The following MBD5 variants were observed in gnomAD, a reference collection of about 807,000 sequenced individuals.
MBD5 encodes methyl-CpG-binding domain protein 5.
Under a neutral mutation model 117.3 loss-of-function variants are expected in MBD5, and 13 were observed. The ratio of observed to expected loss-of-function variants is 0.11; its 90% CI spans 0.07 to 0.18. The LOEUF (loss-of-function observed/expected upper bound fraction) is 0.18, where lower values mean the gene tolerates loss of function less well. Among genes scored for constraint, MBD5 ranks in the 10% least tolerant of loss-of-function variants. The probability of loss-of-function intolerance (pLI) is 1.00; values close to 1 mark genes in which losing one functional copy is unlikely to be tolerated. For missense variants in MBD5, 1,879 were observed against 2,093.8 expected, an observed-to-expected ratio of 0.90 and a Z score of 2.00; for synonymous variants, 727 against 766.4, an observed-to-expected ratio of 0.95 and a Z score of 0.85.
At chr2:148,029,257 TTTTCC>T (rs1172932276) in intron 1 of MBD5, among the ~76,000 whole-genome samples, 1 of 152,096 alleles carries the variant, frequency 6.6e-6, no homozygotes, top group Non-Finnish European at 1.5e-5. Context: ...TAATATAGTC[TTTTCC>T]TTTAACACTT....
At chr2:148,325,875 T>C (rs1702436615) in intron 3 of MBD5, among the ~76,000 whole-genome samples, 1 of 152,224 alleles carries the variant, frequency 6.6e-6, no homozygotes, top group Non-Finnish European at 1.5e-5. Flanking sequence ...TGCCTTCAGC[T>C]AGCTTTTGAA....
In MBD5 at chr2:148,484,161, T is replaced by C. The variant is rs1463040481; in HGVS notation, c.3544+26T>C. On this transcript the variant is annotated intron_variant, in intron 9 of 13. Coordinates refer to ENST00000642680, the MANE Select transcript of MBD5 (RefSeq NM_001378120.1). ...GTAAGTTAAATTTTTTCACAAATTT[T>C]TTACAAAAGAAACGTTTTTCTAATT... 4 of 1,417,488 alleles carry C rather than the reference T, an allele frequency of 2.8e-6. No homozygotes were observed. In the African/African-American group the frequency reaches 5.8e-5, roughly 21 times the overall value. 87.8% of individuals were successfully genotyped at this position (1,417,488 alleles called of 1,614,324 possible).
chr2:148,037,474 C>T lies in MBD5; in HGVS notation c.-925+15790C>T, dbSNP rs114688868. On this transcript the variant is annotated intron_variant, in intron 1 of 13. Transcript: ENST00000642680. Reference sequence around the variant, plus strand: ...GCTAAAAAATATCAAGTTATATTTACATATGCTTTTTTAAAGTTATGCCTT... The same window carrying T: ...GCTAAAAAATATCAAGTTATATTTATATATGCTTTTTTAAAGTTATGCCTT... Among the ~76,000 whole-genome samples, 1,149 of 151,990 alleles carry T rather than the reference C, an allele frequency of 7.6e-3. 13 individuals are homozygous for T. Among genetic ancestry groups the T allele is most frequent in the African/African-American group, 0.026 (1,084 of 41,506 alleles).
intron 3 of MBD5, among the ~76,000 whole-genome samples, chr2:148,252,353 G>T (rs13425695): frequency 0.12 from 18,387 of 151,844 alleles, 1,284 homozygotes; most frequent in Admixed American, 0.16. Flanking sequence ...CCAGCTACTG[G>T]GGAGACTGAA....
At chr2:148,351,182 G>A (rs1000630213) in intron 4 of MBD5, among the ~76,000 whole-genome samples, 1 of 151,580 alleles carries the variant, frequency 6.6e-6, no homozygotes, top group African/African-American at 2.4e-5. Flanking sequence ...TACAATTTGG[G>A]GTTGTGCACC....
At chr2:148,467,880 A>G (rs1173824566) in intron 7 of MBD5, among the ~76,000 whole-genome samples, 1 of 152,188 alleles carries the variant, frequency 6.6e-6, no homozygotes, top group African/African-American at 2.4e-5. Flanking sequence ...CATTTAAATC[A>G]CCCAAGAAAA....
intron 1 of MBD5, among the ~76,000 whole-genome samples, chr2:148,033,144 G>A (rs566918687): frequency 2.0e-5 from 3 of 152,064 alleles, no homozygotes; most frequent in Non-Finnish European, 4.4e-5. Context: ...GAGAGTAGAA[G>A]TATCACATTC....
chr2:148,405,833 T>C (rs901105734), intron 4 of MBD5, among the ~76,000 whole-genome samples: 2 of 152,138 alleles, frequency 1.3e-5, no homozygotes, highest in African/African-American at 4.8e-5. Flanking sequence ...TAACAGTTGC[T>C]GGTAGCTGGG....
At chr2:148,032,927 A>G (rs1425145731) in intron 1 of MBD5, among the ~76,000 whole-genome samples, 2 of 152,180 alleles carry the variant, frequency 1.3e-5, no homozygotes, top group East Asian at 1.9e-4. Flanking sequence ...AGTTATGTCT[A>G]TATGTATTCA....
At chr2:148,165,952 CAG>C (rs974317210) in intron 1 of MBD5, among the ~76,000 whole-genome samples, 17 of 152,154 alleles carry the variant, frequency 1.1e-4, no homozygotes, top group African/African-American at 3.1e-4. Context: ...TCATTATAAA[CAG>C]AGAAGATTCA....
chr2:148,512,746 A>G, intron 13 of MBD5, 124 bp from the exon 14 acceptor site: 1 of 841,658 alleles, frequency 1.2e-6, no homozygotes. Context: ...GTGCCTCAGG[A>G]TATCAGTAAT....
chr2:148,235,735 C>T (rs538069816), intron 3 of MBD5, among the ~76,000 whole-genome samples: 1 of 150,816 alleles, frequency 6.6e-6, no homozygotes, highest in African/African-American at 2.4e-5. Context: ...TGTGTAATTG[C>T]ATCATGTCTT....
chr2:148,406,704 T>A (rs540089792), intron 4 of MBD5, among the ~76,000 whole-genome samples: 2 of 152,334 alleles, frequency 1.3e-5, no homozygotes, highest in South Asian at 4.1e-4. Context: ...AAGTTACACT[T>A]CATTACAGTG....
At chr2:148,475,502 T>C (rs1443668104) in intron 8 of MBD5, among the ~76,000 whole-genome samples, 1 of 152,048 alleles carries the variant, frequency 6.6e-6, no homozygotes, top group Non-Finnish European at 1.5e-5. Context: ...AGACGTTGAG[T>C]CTATGTAATC....
chr2:148,100,670 T>A (rs1179422612), intron 1 of MBD5, among the ~76,000 whole-genome samples: 1 of 152,186 alleles, frequency 6.6e-6, no homozygotes, highest in Non-Finnish European at 1.5e-5. Context: ...CCATATGTTC[T>A]CTCCTCATAG....
At position 148,458,669 on chromosome 2, in the gene MBD5, T is replaced by TGGCCCACTTTTGAA. The variant is rs1462934716; in HGVS notation, c.-85_-72dup. On this transcript the variant is annotated 5_prime_UTR_variant, in exon 5 of 14. Coordinates refer to ENST00000642680, the MANE Select transcript of MBD5 (RefSeq NM_001378120.1). ...CAGTCTGGGAAAAACTGTGCTGCAC[T>TGGCCCACTTTTGAA]GGCCCACTTTTGAAGGCCATCATGC... The TGGCCCACTTTTGAA allele has an allele frequency of 2.7e-6, 3 of 1,124,728 alleles. No homozygotes were observed. The highest frequency in any genetic ancestry group is 4.1e-6 in the Non-Finnish European group (3 of 738,586). The allele number at this position is 1,124,728 out of a possible 1,614,324, so 69.7% of individuals were successfully genotyped here.
intron 2 of MBD5, among the ~76,000 whole-genome samples, chr2:148,194,735 A>C (rs1698925899): frequency 8.7e-6 from 1 of 115,434 alleles, no homozygotes; most frequent in Non-Finnish European, 1.8e-5. Flanking sequence ...CAATGTGCAC[A>C]TGTACCCTAA....
At chr2:148,397,000 G>T (rs1311781366) in intron 4 of MBD5, among the ~76,000 whole-genome samples, 1 of 151,990 alleles carries the variant, frequency 6.6e-6, no homozygotes, top group Non-Finnish European at 1.5e-5. Context: ...TATTTACCAT[G>T]CCTTTCCTAA....
chr2:148,206,712 T>C (rs1182362190), intron 2 of MBD5, among the ~76,000 whole-genome samples: 2 of 152,216 alleles, frequency 1.3e-5, no homozygotes, highest in African/African-American at 2.4e-5. Context: ...TAAAGTATCT[T>C]ATAAATGTCA....
Sources: allele counts gnomAD v4.1 joint callset (sites outside exome capture counted in the v4.1 genomes callset), GRCh38; gene constraint gnomAD v4.1.1; transcripts MANE v1.5; gene names NCBI Gene and HGNC (gene_info 2026-07-23, HGNC 2026-07-21).